The following STAT5A variants were observed in gnomAD, a reference collection of about 807,000 sequenced individuals.
STAT5A encodes the protein epididymis secretory sperm binding protein.
Under a neutral mutation model 100.2 loss-of-function variants are expected in STAT5A, and 26 were observed. The observed-to-expected ratio is 0.26, with a 90% CI of 0.19 to 0.36. The LOEUF is 0.36. STAT5A is among the 10% of genes least tolerant of loss of function. The probability of loss-of-function intolerance (pLI) is 1.00; values close to 1 mark genes in which losing one functional copy is unlikely to be tolerated. For missense variants in STAT5A, 634 were observed against 1,027.5 expected (o/e 0.62, Z 5.24); for synonymous variants, 330 against 424.3 (o/e 0.78, Z 2.73).
At position 42,299,401 on chromosome 17, in the gene STAT5A, G is replaced by A. The variant is rs368323825; in HGVS notation, c.551-350G>A. ...GGTTCACCTGCAGTCAAGGGCATGG[G>A]CACACTTACACCCCAGACAGCCTGG... On this transcript the variant is annotated intron_variant, in intron 5 of 18. Coordinates refer to ENST00000590949, the MANE Select transcript of STAT5A (RefSeq NM_001288718.2). Among the ~76,000 whole-genome samples the A allele has an allele frequency of 6.9e-4, 105 of 152,340 alleles. 1 individual carries two copies. The highest frequency in any genetic ancestry group is 2.4e-3 in the African/African-American group (101 of 41,584).
rs7217884 is a variant in STAT5A at position 42,295,482 on chromosome 17, T to C, written c.376-137T>C. On this transcript the variant is annotated intron_variant, in intron 4 of 18. Coordinates refer to ENST00000590949, the MANE Select transcript of STAT5A (RefSeq NM_001288718.2). ...GACTCCTTCTGATGCAAATGATCCT[T>C]CCTTCTTGCCCTAGTTTCCCTTCTT... 0.021 allele frequency: 17,936 copies of C among 866,318 alleles called. 1,978 individuals are homozygous for C. In the African/African-American group the frequency reaches 0.26, roughly 12 times the overall value. The allele number at this position is 866,318 out of a possible 1,614,324, so 53.7% of individuals were successfully genotyped here.
chr17:42,310,601 G>T lies in STAT5A; in HGVS notation c.2317G>T (p.Asp773Tyr). The change falls in exon 19 of 19, where the codon GAC becomes TAC. Residue 773 changes from aspartate to tyrosine, a missense_variant. Physicochemically the swap from Asp to Tyr is radical, Grantham distance 160. Coordinates refer to ENST00000590949, the MANE Select transcript of STAT5A (RefSeq NM_001288718.2). ...GGAGGAACTCTTACGCCGACCAATG[G>T]ACAGTCTTGACTCCCGCCTCTCGCC... The part of the protein sequence containing the change: ...HVEELLRRPM[D>Y]SLDSRLSPPA... 6.2e-7 allele frequency: 1 copy of T among 1,614,208 alleles called. No homozygotes were observed. Among genetic ancestry groups the T allele is most frequent in the Non-Finnish European group, 8.5e-7 (1 of 1,180,040 alleles).
chr17:42,288,344 T>C (rs2080833208), upstream of STAT5A: 2 of 152,166 alleles, frequency 1.3e-5, no homozygotes, highest in Admixed American at 1.3e-4. The surrounding 1 kb of genome is among the most constrained non-coding windows in gnomAD (Gnocchi z 4.8). Context: ...CCGCCGCTGT[T>C]GCGCACTTGC....
chr17:42,310,368 T>G, intron 18 of STAT5A, 139 bp from the exon 19 acceptor site: 2 of 834,032 alleles, frequency 2.4e-6, no homozygotes, highest in South Asian at 3.3e-5. Flanking sequence ...CAGCTTGGGG[T>G]GGGGTGGGGG....
chr17:42,294,472 C>T (rs1277432845), intron 4 of STAT5A, among the ~76,000 whole-genome samples: 1 of 152,188 alleles, frequency 6.6e-6, no homozygotes, highest in Non-Finnish European at 1.5e-5. Context: ...AAGGCAAGGT[C>T]CTAGCCCTTG....
At position 42,310,650 on chromosome 17, in the gene STAT5A, C is replaced by A. The variant is rs930043096; in HGVS notation, c.2366C>A (p.Ala789Asp). The change falls in exon 19 of 19, where the codon GCC becomes GAC. Residue 789 changes from alanine (A) to aspartate (D), a missense_variant. Physicochemically the swap from Ala to Asp is moderately radical, Grantham distance 126 (BLOSUM62 -2). This residue lies in a region of STAT5A where 88 missense variants were observed against 95.1 expected (regional missense o/e 0.92). Transcript: ENST00000590949. ...LSPPAGLFTSARGSLS is the reference protein window; with the variant it reads ...LSPPAGLFTSDRGSLS ...CCCCCTGCCGGTCTTTTCACCTCTG[C>A]CAGAGGCTCCCTCTCATGAATGTTT... The A allele has an allele frequency of 6.2e-7, 1 of 1,614,164 alleles. No homozygotes were observed. Among genetic ancestry groups the A allele is most frequent in the South Asian group, 1.1e-5 (1 of 91,088 alleles).
intron 13 of STAT5A, 143 bp downstream of exon 13, chr17:42,306,590 C>T: frequency 7.6e-7 from 1 of 1,318,596 alleles, no homozygotes; most frequent in East Asian, 2.5e-5. Flanking sequence ...AGATGGGGGC[C>T]CCTAGCCTCA....
rs2081081015 is a variant in STAT5A at position 42,311,457 on chromosome 17, T to A, written c.*788T>A. 6.6e-6 allele frequency: 1 copy of A among 152,368 alleles called. No homozygotes were observed. The highest frequency in any genetic ancestry group is 1.5e-5 in the Non-Finnish European group (1 of 68,090). The allele number at this position is 152,368 out of a possible 1,614,324, so 9.4% of individuals were successfully genotyped here. A position where few individuals can be genotyped will look rare whatever the true frequency, so the allele number is the denominator to read the frequency against. ...CCCTCCGTTGGGCCCCAGCCTTCTT[T>A]GCTTGCCTCTCTGTTTGTAACCTTG... is the stretch of plus-strand genomic sequence containing the variant. On this transcript the variant is annotated 3_prime_UTR_variant, in exon 19 of 19. Transcript: ENST00000590949.
At chr17:42,309,564 C>A in intron 18 of STAT5A, 80 bp downstream of exon 18, 1 of 1,452,010 alleles carries the variant, frequency 6.9e-7, no homozygotes, top group South Asian at 1.2e-5. Context: ...GGCTGGCGGG[C>A]AAAGGATCCA....
intron 6 of STAT5A, 61 bp downstream of exon 6, chr17:42,299,942 C>A (rs531804028): frequency 2.1e-5 from 33 of 1,538,520 alleles, no homozygotes; most frequent in Non-Finnish European, 2.6e-5. Context: ...TCTGGGGACC[C>A]GAGGGAGGGC....
rs2081021147 is a variant in STAT5A, at chr17:42,305,663, C to T, written c.1434C>T (p.Ala478=). 4 of 1,614,206 alleles carry T rather than the reference C, an allele frequency of 2.5e-6. No individual in the cohort carries two copies. The highest frequency in any genetic ancestry group is 2.5e-6 in the Non-Finnish European group (3 of 1,180,026). Residue 478 remains alanine (A), a synonymous_variant, in exon 12 of 19, where the codon GCC becomes GCT. Coordinates refer to ENST00000590949, the MANE Select transcript of STAT5A (RefSeq NM_001288718.2). ...VIVHGSQDHN[A]TATVLWDNAF... ...TCCACGGCAGCCAGGACCACAATGC[C>T]ACGGCTACTGTGCTGTGGGACAATG...
At chr17:42,299,335 G>A (rs1014331259) in intron 5 of STAT5A, among the ~76,000 whole-genome samples, 11 of 152,218 alleles carry the variant, frequency 7.2e-5, no homozygotes, top group Non-Finnish European at 1.0e-4. Flanking sequence ...CGTTTTACAC[G>A]TGGGGAAGCT....
At position 42,304,442 on chromosome 17, in the gene STAT5A, C is replaced by T. The variant is rs763651252; in HGVS notation, c.1257+13C>T. The T allele has an allele frequency of 2.9e-5, 47 of 1,614,072 alleles. No homozygotes were observed. The highest frequency in any genetic ancestry group is 3.8e-5 in the Non-Finnish European group (45 of 1,180,040). On this transcript the variant is annotated intron_variant, in intron 10 of 18. Coordinates refer to ENST00000590949, the MANE Select transcript of STAT5A (RefSeq NM_001288718.2). This position sits in a 1 kb window ranked among gnomAD's most constrained non-coding sequence, Gnocchi z 4.8. ...CTTCAGGAACATGGTGAGGACGGGG[C>T]CCACCCTCGGAGGGCAGGTCTGCCC...
intron 14 of STAT5A, 32 bp from the exon 15 acceptor site, chr17:42,307,561 C>T: frequency 6.2e-7 from 1 of 1,614,008 alleles, no homozygotes; most frequent in Non-Finnish European, 8.5e-7. Context: ...GGCTGTGGCC[C>T]AGTGGTGACG....
At chr17:42,291,921 G>A in intron 3 of STAT5A, 51 bp from the exon 4 acceptor site, 1 of 1,596,960 alleles carries the variant, frequency 6.3e-7, no homozygotes, top group East Asian at 2.2e-5. Context: ...CATGGGGCTG[G>A]CATGGCTGGA....
At position 42,311,112 on chromosome 17, in the gene STAT5A, G is replaced by C; in HGVS notation, c.*443G>C. The C allele has an allele frequency of 4.8e-6, 1 of 206,826 alleles. No homozygotes were observed. Among genetic ancestry groups the C allele is most frequent in the East Asian group, 1.0e-4 (1 of 9,820 alleles). 12.8% of individuals were successfully genotyped at this position (206,826 alleles called of 1,614,324 possible). On this transcript the variant is annotated 3_prime_UTR_variant, in exon 19 of 19. Transcript: ENST00000590949. ...TAAGAGAGAGAGACAGAGAGACAGAGAGAGAGAAAGAGAGAGTGTGTGGGT... is the reference window on the plus strand; with the variant it reads ...TAAGAGAGAGAGACAGAGAGACAGACAGAGAGAAAGAGAGAGTGTGTGGGT...
intron 5 of STAT5A, among the ~76,000 whole-genome samples, 166 bp from the exon 6 acceptor site, chr17:42,299,585 A>G (rs954514968): frequency 2.0e-5 from 3 of 152,310 alleles, no homozygotes; most frequent in East Asian, 1.9e-4. Flanking sequence ...GCGCCTCCTG[A>G]GGCGCCATTC....
rs771734977 is a variant in STAT5A at position 42,292,075 on chromosome 17, G to C, written c.375+14G>C. On this transcript the variant is annotated intron_variant, in intron 4 of 18. Transcript: ENST00000590949. ...GAAGCCAACAATGTGAGTGTCCCTTGGGGATGGGGAGGAGTGTTGAGAAGT... is the reference window on the plus strand; with the variant it reads ...GAAGCCAACAATGTGAGTGTCCCTTCGGGATGGGGAGGAGTGTTGAGAAGT... 6.2e-7 allele frequency: 1 copy of C among 1,613,468 alleles called. No individual in the cohort carries two copies. Among genetic ancestry groups the C allele is most frequent in the South Asian group, 1.1e-5 (1 of 91,066 alleles).
rs2080957745 is a variant in STAT5A at position 42,299,778 on chromosome 17, G to A, written c.578G>A (p.Ser193Asn). Residue 193 changes from serine (S) to asparagine (N), a missense_variant, in exon 6 of 19, where the codon AGC becomes AAC. Ser to Asn is a conservative substitution (Grantham distance 46). Coordinates refer to ENST00000590949, the MANE Select transcript of STAT5A (RefSeq NM_001288718.2). ...QAQFAQLAQL[S>N]PQERLSRETA... is the part of the protein sequence containing the mutation. ...CAGTTTGCCCAGCTGGCCCAGCTGA[G>A]CCCCCAGGAGCGTCTGAGCCGGGAG... is the stretch of plus-strand genomic sequence containing the variant. 3.7e-6 allele frequency: 6 copies of A among 1,614,150 alleles called. No homozygotes were observed. The highest frequency in any genetic ancestry group is 5.1e-6 in the Non-Finnish European group (6 of 1,179,996).
Sources: allele counts gnomAD v4.1 joint callset (sites outside exome capture counted in the v4.1 genomes callset), GRCh38; gene constraint gnomAD v4.1.1; regional missense constraint gnomAD v4.1.1; non-coding constraint Gnocchi (gnomAD v3.1); transcripts MANE v1.5; gene names NCBI Gene and HGNC (gene_info 2026-07-23, HGNC 2026-07-21).